The following CACNA1B variants were observed in gnomAD, a reference collection of about 807,000 sequenced individuals.
CACNA1B encodes the protein calcium voltage-gated channel subunit alpha1 B.
In CACNA1B, 70 loss-of-function variants were observed where a neutral mutation model predicts 247.2. The observed-to-expected ratio is 0.28, with a 90% CI of 0.23 to 0.35. The LOEUF (loss-of-function observed/expected upper bound fraction) is 0.35, where lower values mean the gene tolerates loss of function less well. CACNA1B is among the 10% of genes least tolerant of loss of function. The pLI is 1.00. For missense variants in CACNA1B, 2,367 were observed against 3,197.4 expected, an observed-to-expected ratio of 0.74 and a Z score of 6.26; for synonymous variants, 1,231 against 1,294.4, an observed-to-expected ratio of 0.95 and a Z score of 1.05.
chr9:137,893,840 A>C (rs370852631), intron 3 of CACNA1B, among the ~76,000 whole-genome samples: 373 of 152,318 alleles, frequency 2.4e-3, no homozygotes, highest in South Asian at 0.015. Context: ...CTAGGTGCTG[A>C]GATTGACACA....
intron 34 of CACNA1B, among the ~76,000 whole-genome samples, 195 bp from the exon 35 acceptor site, chr9:138,075,624 A>C (rs1415859520): frequency 1.3e-5 from 2 of 152,180 alleles, no homozygotes; most frequent in African/African-American, 4.8e-5. Flanking sequence ...GAGCCGGCAC[A>C]TGTGTAGCTA....
intron 6 of CACNA1B, among the ~76,000 whole-genome samples, chr9:137,918,938 C>G (rs1957447378): frequency 6.6e-6 from 1 of 152,208 alleles, no homozygotes; most frequent in Non-Finnish European, 1.5e-5. Context: ...TGGCTGTTCT[C>G]TCTCTGTAGC....
At chr9:138,092,638 A>G (rs1278749117) in intron 36 of CACNA1B, among the ~76,000 whole-genome samples, 4 of 152,250 alleles carry the variant, frequency 2.6e-5, no homozygotes, top group Non-Finnish European at 5.9e-5. Flanking sequence ...CGAAGATGAC[A>G]GGATTAAGAG....
intron 6 of CACNA1B, among the ~76,000 whole-genome samples, chr9:137,945,591 A>G (rs1032974285): frequency 1.3e-5 from 2 of 152,260 alleles, no homozygotes; most frequent in African/African-American, 4.8e-5. Flanking sequence ...ACTTCAGCCA[A>G]TATGTTCATA....
Position 138,047,431 on chromosome 9 carries a change from T to C in CACNA1B, c.3576T>C (p.Gly1192=). ...ALKYLDYIFT[G]VFTFEMVIKM... is the part of the protein sequence containing the mutation. ...AATACCTGGATTACATTTTCACTGGTGTCTTTACCTTTGAGATGGTGATAA... is the reference window on the plus strand; with the variant it reads ...AATACCTGGATTACATTTTCACTGGCGTCTTTACCTTTGAGATGGTGATAA... Residue 1192 remains glycine (G), a synonymous_variant, in exon 23 of 47, where the codon GGT becomes GGC. Transcript: ENST00000371372. The C allele has an allele frequency of 6.2e-7, 1 of 1,612,402 alleles. No individual in the cohort carries two copies. Among genetic ancestry groups the C allele is most frequent in the African/African-American group, 1.3e-5 (1 of 75,006 alleles).
chr9:137,975,385 G>A (rs185720332), intron 11 of CACNA1B, among the ~76,000 whole-genome samples: 203 of 152,274 alleles, frequency 1.3e-3, no homozygotes, highest in African/African-American at 4.5e-3. Context: ...CCACAGTGCC[G>A]TGGACATTGT....
Position 138,006,953 on chromosome 9 carries a change from G to A in CACNA1B, c.2092+69G>A, listed in dbSNP as rs78898109. ...CCCTCCTCTTCTCCATGGCCACCAC[G>A]CGGATCCCTCCAGGAGGACTAGGGG... is the stretch of plus-strand genomic sequence containing the variant. On this transcript the variant is annotated intron_variant, in intron 16 of 46. Coordinates refer to ENST00000371372, the MANE Select transcript of CACNA1B (RefSeq NM_000718.4). 4.9e-3 allele frequency: 3,879 copies of A among 795,570 alleles called. 91 individuals are homozygous for A. In the East Asian group the frequency reaches 0.056, roughly 11 times the overall value. The allele number at this position is 795,570 out of a possible 1,614,324, so 49.3% of individuals were successfully genotyped here.
At position 138,114,562 on chromosome 9, in the gene CACNA1B, A is replaced by AC; in HGVS notation, c.5649+73dup. 3 of 726,816 alleles carry AC rather than the reference A, an allele frequency of 4.1e-6. No individual in the cohort carries two copies. In the South Asian group the frequency reaches 4.8e-5, roughly 12 times the overall value. The allele number at this position is 726,816 out of a possible 1,614,324, so 45.0% of individuals were successfully genotyped here. Reference sequence around the variant, plus strand: ...GGCTCTGGCATCCTTCGGGGGGTTGACGACGGGGGAGATGCACACCATTCT... The same window carrying AC: ...GGCTCTGGCATCCTTCGGGGGGTTGACCGACGGGGGAGATGCACACCATTCT... On this transcript the variant is annotated intron_variant, in intron 41 of 46. Transcript: ENST00000371372.
intron 6 of CACNA1B, among the ~76,000 whole-genome samples, chr9:137,941,631 A>G (rs1344287445): frequency 1.3e-5 from 2 of 152,214 alleles, no homozygotes; most frequent in Non-Finnish European, 2.9e-5. Flanking sequence ...CCAAAACAGC[A>G]TGGTACTGGT....
intron 6 of CACNA1B, among the ~76,000 whole-genome samples, chr9:137,928,378 G>C (rs964118550): frequency 5.3e-5 from 8 of 152,164 alleles, no homozygotes; most frequent in African/African-American, 1.9e-4. Flanking sequence ...TTACAGGCGT[G>C]AGCCCCACCG....
rs375920023 is a variant in CACNA1B, at chr9:138,016,069, C to T, written c.2267+2834C>T. 1.3e-4 allele frequency among the ~76,000 whole-genome samples: 20 copies of T among 152,266 alleles called. No homozygotes were observed. The East Asian group carries it at 3.3e-3, about 25-fold the overall frequency. On this transcript the variant is annotated intron_variant, in intron 18 of 46. Transcript: ENST00000371372. ...ACACACAGACTCACACAGACACACA[C>T]ACACAGACCCACCCTCACAACACTC... is the stretch of plus-strand genomic sequence containing the variant.
At chr9:137,892,174 C>G (rs748128744) in intron 3 of CACNA1B, 2 of 456,764 alleles carry the variant, frequency 4.4e-6, no homozygotes, top group African/African-American at 2.0e-5. Flanking sequence ...CGACTGGACA[C>G]TGGTCTGCTG....
In CACNA1B at chr9:138,050,796, G is replaced by A. The variant is rs1474790881; in HGVS notation, c.3711-1296G>A. Among the ~76,000 whole-genome samples, 7 of 152,254 alleles carry A rather than the reference G, an allele frequency of 4.6e-5. No homozygotes were observed. The highest frequency in any genetic ancestry group is 1.2e-4 in the African/African-American group (5 of 41,556). On this transcript the variant is annotated intron_variant, in intron 24 of 46. Coordinates refer to ENST00000371372, the MANE Select transcript of CACNA1B (RefSeq NM_000718.4). The surrounding 1 kb of genome is among the most constrained non-coding windows in gnomAD (Gnocchi z 5.2). ...AGGAGCTGGTTTGAGAGTGGGTGTC[G>A]GGAGCACTGGGGTGATGGAGACAGG...
At position 137,992,790 on chromosome 9, in the gene CACNA1B, CCGTCTCAA is replaced by C. The variant is rs1589053422; in HGVS notation, c.1974+5937_1974+5944del. On this transcript the variant is annotated intron_variant, in intron 15 of 46. Transcript: ENST00000371372. ...CCAGCCTGGGCGACAGAGCGAGACTCCGTCTCAAAAAAAAAAAAAAAAAATCTATATTA... is the reference window on the plus strand; with the variant it reads ...CCAGCCTGGGCGACAGAGCGAGACTCAAAAAAAAAAAAAAAATCTATATTA... Among the ~76,000 whole-genome samples, 4 of 136,754 alleles carry C rather than the reference CCGTCTCAA, an allele frequency of 2.9e-5. No homozygotes were observed. The East Asian group carries it at 1.0e-3, about 34-fold the overall frequency. 89.7% of individuals were successfully genotyped at this position (136,754 alleles called of 152,430 possible).
rs953519148 is a variant in CACNA1B, at chr9:138,072,725, C to T, written c.4675-763C>T. 3.3e-5 allele frequency among the ~76,000 whole-genome samples: 5 copies of T among 152,198 alleles called. No homozygotes were observed. The highest frequency in any genetic ancestry group is 2.9e-5 in the Non-Finnish European group (2 of 68,046). The stretch of plus-strand genomic sequence containing the variant: ...CAGTAATTCAAGTGCCCTGGGGCCA[C>T]GTGGAGGCTTTACTGCCAGGTAATC... On this transcript the variant is annotated intron_variant, in intron 32 of 46. Coordinates refer to ENST00000371372, the MANE Select transcript of CACNA1B (RefSeq NM_000718.4). The surrounding 1 kb of genome is among the most constrained non-coding windows in gnomAD (Gnocchi z 4.5).
At chr9:137,978,249 G>C (rs1209270349) in intron 12 of CACNA1B, among the ~76,000 whole-genome samples, 1 of 144,128 alleles carries the variant, frequency 6.9e-6, no homozygotes, top group Non-Finnish European at 1.5e-5. Context: ...GTGAAGGGTG[G>C]GAGCACTACC....
intron 20 of CACNA1B, among the ~76,000 whole-genome samples, chr9:138,043,149 G>T (rs1959147032): frequency 6.6e-6 from 1 of 152,210 alleles, no homozygotes; most frequent in South Asian, 2.1e-4. Flanking sequence ...AGCACAGCTG[G>T]GGTGTGGTGG....
At chr9:137,909,883 G>A (rs1957341654) in intron 3 of CACNA1B, among the ~76,000 whole-genome samples, 1 of 151,816 alleles carries the variant, frequency 6.6e-6, no homozygotes, top group Admixed American at 6.6e-5. Context: ...TGATTCTTGT[G>A]CCTCAGCCTC....
At position 137,995,826 on chromosome 9, in the gene CACNA1B, GA is replaced by G. The variant is rs1188820698; in HGVS notation, c.1974+8979del. On this transcript the variant is annotated intron_variant, in intron 15 of 46. Transcript: ENST00000371372. ...ATCTGCAAAGAACTCAAATCAGCAA[GA>G]AAAAAACAAACAATCTCATTAAAAA... is the stretch of plus-strand genomic sequence containing the variant. Among the ~76,000 whole-genome samples the G allele has an allele frequency of 5.9e-5, 9 of 152,032 alleles. No individual in the cohort carries two copies. In the East Asian group the frequency reaches 1.2e-3, roughly 20 times the overall value.
Sources: gnomAD v4.1 joint callset for allele counts (sites outside exome capture counted in the v4.1 genomes callset) on GRCh38, gnomAD v4.1.1 for gene constraint, Gnocchi (gnomAD v3.1) non-coding constraint, MANE v1.5 for transcripts, NCBI Gene and HGNC (gene_info 2026-07-23, HGNC 2026-07-21) for gene names.